Variants in DDX42 observed in about 807,000 individuals in gnomAD.
DDX42 encodes DEAD-box helicase 42.
A neutral mutation model predicts 101.5 loss-of-function variants in DDX42; 22 were observed. The ratio of observed to expected loss-of-function variants is 0.22; its 90% CI spans 0.15 to 0.31. DDX42 has a LOEUF of 0.31. DDX42 is among the 10% of genes least tolerant of loss of function. The probability of loss-of-function intolerance (pLI) is 1.00; values close to 1 mark genes in which losing one functional copy is unlikely to be tolerated. For synonymous variants in DDX42, 402 were observed against 401.2 expected, an observed-to-expected ratio of 1.00 and a Z score of -0.02; for missense variants, 849 against 1,199.9, an observed-to-expected ratio of 0.71 and a Z score of 4.32.
intron 16 of DDX42, chr17:63,815,989 ACT>A (rs2039973059): frequency 6.0e-6 from 1 of 165,416 alleles, no homozygotes; most frequent in South Asian, 1.9e-4. Flanking sequence ...TGAATCAGAA[ACT>A]CTGGAGTTGG....
intron 14 of DDX42, 75 bp downstream of exon 14, chr17:63,812,283 A>T (rs963770153): frequency 7.2e-6 from 11 of 1,519,196 alleles, no homozygotes; most frequent in Non-Finnish European, 8.8e-6. Flanking sequence ...TAAGACCTAT[A>T]ATATCTGAGC....
Position 63,795,120 on chromosome 17 carries a change from A to C in DDX42, c.372+2558A>C, listed in dbSNP as rs529699390. The stretch of plus-strand genomic sequence containing the variant: ...TTGCTTTTTTAAAATGTGAGCCAAC[A>C]TTTTTAGTATCAGGGGATCTTGTCT... On this transcript the variant is annotated intron_variant, in intron 3 of 17. Coordinates refer to ENST00000389924, the MANE Select transcript of DDX42 (RefSeq NM_203499.3). Among the ~76,000 whole-genome samples, 5 of 152,236 alleles carry C rather than the reference A, an allele frequency of 3.3e-5. No individual in the cohort carries two copies. The East Asian group carries it at 9.6e-4, about 29-fold the overall frequency.
chr17:63,810,468 A>G (rs1355163754), intron 11 of DDX42, 45 bp from the exon 12 acceptor site: 2 of 1,597,564 alleles, frequency 1.3e-6, no homozygotes, highest in Admixed American at 3.4e-5. Context: ...GGCTTCCCAA[A>G]CTGTATTTCA....
chr17:63,786,737 G>A (rs1209494875), intron 1 of DDX42, among the ~76,000 whole-genome samples: 1 of 152,264 alleles, frequency 6.6e-6, no homozygotes, highest in Non-Finnish European at 1.5e-5. Flanking sequence ...GAGTGCAGTG[G>A]CACGATCTCA....
chr17:63,790,532 G>A (rs1373850741), intron 2 of DDX42, among the ~76,000 whole-genome samples: 1 of 152,242 alleles, frequency 6.6e-6, no homozygotes. Flanking sequence ...AGGCCGAGGC[G>A]GGCGGATCGC....
intron 6 of DDX42, 32 bp from the exon 7 acceptor site, chr17:63,805,039 T>C (rs761913450): frequency 6.3e-7 from 1 of 1,579,856 alleles, no homozygotes; most frequent in Admixed American, 2.0e-5. Context: ...ACTCTTGAAT[T>C]CTAGACTAAC....
chr17:63,814,334 T>C (rs2039949351), intron 15 of DDX42, among the ~76,000 whole-genome samples: 1 of 152,092 alleles, frequency 6.6e-6, no homozygotes. Context: ...GCAGAAACTG[T>C]TAAGAGTTTG....
chr17:63,817,139 A>C (rs2039986417), intron 17 of DDX42, 173 bp downstream of exon 17: 1 of 581,308 alleles, frequency 1.7e-6, no homozygotes, highest in Admixed American at 3.2e-5. Context: ...TGGAAATGCA[A>C]GTTGATCTAG....
chr17:63,775,418 C>T (rs1331198268), intron 1 of DDX42, among the ~76,000 whole-genome samples: 1 of 151,968 alleles, frequency 6.6e-6, no homozygotes, highest in Non-Finnish European at 1.5e-5. Context: ...CAAACAGATA[C>T]ATATATTATA....
At chr17:63,807,203 C>A (rs112823646) in intron 8 of DDX42, among the ~76,000 whole-genome samples, 2 of 152,084 alleles carry the variant, frequency 1.3e-5, no homozygotes. Context: ...TGCAGTGGCG[C>A]GATCTTGGCT....
intron 4 of DDX42, 120 bp from the exon 5 acceptor site, chr17:63,799,469 G>T: frequency 9.6e-7 from 1 of 1,044,410 alleles, no homozygotes; most frequent in Non-Finnish European, 1.4e-6. Context: ...TTGCTGCTTT[G>T]TTATTATTAG....
chr17:63,800,327 A>ATCAT, intron 5 of DDX42, 141 bp from the exon 6 acceptor site: 1 of 628,936 alleles, frequency 1.6e-6, no homozygotes. Context: ...TATTAAAGGA[A>ATCAT]TCATTGCTAG....
intron 12 of DDX42, 35 bp from the exon 13 acceptor site, chr17:63,811,041 A>G: frequency 1.3e-6 from 2 of 1,578,412 alleles, no homozygotes; most frequent in Non-Finnish European, 1.7e-6. Context: ...AAGATATCAT[A>G]TTGTTTCTCT....
chr17:63,813,373 C>T lies in DDX42; in HGVS notation c.1821C>T (p.Ser607=). The T allele has an allele frequency of 1.2e-6, 2 of 1,614,168 alleles. No individual in the cohort carries two copies. The highest frequency in any genetic ancestry group is 1.1e-5 in the South Asian group (1 of 91,086). Residue 607 remains serine, a synonymous_variant, in exon 15 of 18, where the codon AGC becomes AGT. Coordinates refer to ENST00000389924, the MANE Select transcript of DDX42 (RefSeq NM_203499.3). Reference sequence around the variant, plus strand: ...ATACCCTACTCACTCCCAAGGACAGCAATTTTGCTGGTGACCTGGTCCGGA... The same window carrying T: ...ATACCCTACTCACTCCCAAGGACAGTAATTTTGCTGGTGACCTGGTCCGGA... The part of the protein sequence containing the change: ...VAYTLLTPKD[S]NFAGDLVRNL...
intron 1 of DDX42, among the ~76,000 whole-genome samples, chr17:63,786,771 A>G (rs2584638): frequency 0.7 from 106,653 of 152,174 alleles, 38,819 homozygotes; most frequent in African/African-American, 0.92. Context: ...TCCGCCTCTC[A>G]GATTCAAGTG....
At chr17:63,811,766 G>C (rs1013724975) in intron 13 of DDX42, 166 bp from the exon 14 acceptor site, 1 of 803,624 alleles carries the variant, frequency 1.2e-6, no homozygotes, top group African/African-American at 1.7e-5. Context: ...AAGGTGATTG[G>C]AAAGGAGAGG....
chr17:63,808,161 C>G (rs1414166895), intron 9 of DDX42, among the ~76,000 whole-genome samples: 2 of 152,034 alleles, frequency 1.3e-5, no homozygotes, highest in Non-Finnish European at 2.9e-5. Flanking sequence ...CTAAAAACTA[C>G]TGTTTTTATT....
chr17:63,817,821 A>G lies in DDX42; in HGVS notation c.2240A>G (p.Gln747Arg), dbSNP rs755585314. The change falls in exon 18 of 18, where the codon CAG becomes CGG. Residue 747 changes from glutamine to arginine, a missense_variant. Gln to Arg is a conservative substitution (Grantham distance 43, BLOSUM62 1). Coordinates refer to ENST00000389924, the MANE Select transcript of DDX42 (RefSeq NM_203499.3). ...LNSVPTNSAQQGHNSPDSPVT... is the reference protein window; with the variant it reads ...LNSVPTNSAQRGHNSPDSPVT... ...TCTGTTCCAACTAACTCAGCACAAC[A>G]GGGCCATAACAGTCCTGACAGCCCC... 6.2e-7 allele frequency: 1 copy of G among 1,614,206 alleles called. No individual in the cohort carries two copies. The highest frequency in any genetic ancestry group is 1.7e-5 in the Admixed American group (1 of 60,024).
At chr17:63,815,900 A>C (rs960609148) in intron 16 of DDX42, 3 of 271,458 alleles carry the variant, frequency 1.1e-5, no homozygotes, top group Non-Finnish European at 2.1e-5. Flanking sequence ...TCAGGAAATT[A>C]TTCTAGATTA....
Sources: allele counts gnomAD v4.1 joint callset (sites outside exome capture counted in the v4.1 genomes callset), GRCh38; gene constraint gnomAD v4.1.1; transcripts MANE v1.5; gene names NCBI Gene and HGNC (gene_info 2026-07-23, HGNC 2026-07-21).